GSE1: variants seen among roughly 807,000 people sequenced by gnomAD.
GSE1 encodes genetic suppressor element 1.
GSE1 carries 32 observed loss-of-function variants against 112.6 expected under a neutral mutation model. That is an observed-to-expected ratio of 0.28 (90% CI 0.21 to 0.38). GSE1 has a LOEUF of 0.38. Among genes scored for constraint, GSE1 ranks in the 10% least tolerant of loss-of-function variants. The pLI, the probability that GSE1 is intolerant of heterozygous loss-of-function variation, is 1.00. For synonymous variants in GSE1, 1,115 were observed against 735.6 expected (o/e 1.52, Z -8.35); for missense variants, 2,348 against 1,699.2 (o/e 1.38, Z -6.71).
chr16:85,512,835 A>G (rs370581796), intron 2 of GSE1, among the ~76,000 whole-genome samples: 10 of 152,192 alleles, frequency 6.6e-5, no homozygotes, highest in African/African-American at 2.2e-4. Context: ...GGGGACCCCA[A>G]TCTTGCCTGT....
At chr16:85,664,145 A>G (rs1039583128) in intron 11 of GSE1, among the ~76,000 whole-genome samples, 6 of 152,256 alleles carry the variant, frequency 3.9e-5, no homozygotes, top group African/African-American at 1.2e-4. Flanking sequence ...GCTCGAATCC[A>G]TATAGCAGAA....
At chr16:85,179,158 C>T (rs1023609772) in intron 1 of GSE1, among the ~76,000 whole-genome samples, 2 of 152,106 alleles carry the variant, frequency 1.3e-5, no homozygotes, top group African/African-American at 4.8e-5. Flanking sequence ...GAGTCAATCC[C>T]CGTCGCCTCC....
chr16:85,209,823 C>G (rs932168045), intron 1 of GSE1, among the ~76,000 whole-genome samples: 2 of 152,142 alleles, frequency 1.3e-5, no homozygotes, highest in African/African-American at 4.8e-5. Flanking sequence ...GTTAGGGGTC[C>G]CTACCCTAAT....
intron 1 of GSE1, chr16:85,185,140 T>C (rs1391960681): frequency 1.3e-5 from 2 of 152,266 alleles, no homozygotes; most frequent in Non-Finnish European, 1.5e-5. Flanking sequence ...CTGTTTCCAC[T>C]ATGATGCAGC....
rs1240576388 is a variant in GSE1 at position 85,656,467 on chromosome 16, GAGA to G, written c.1117_1119del (p.Lys373del). ...CGAACGCGAGAAGGAGCGCGAGCAA[GAGA>G]AGGAGCGTGAGCGTGAGAAGGAGCG... On this transcript the variant is annotated inframe_deletion, in exon 7 of 16. Coordinates refer to ENST00000253458, the MANE Select transcript of GSE1 (RefSeq NM_014615.5). The G allele has an allele frequency of 4.5e-6, 7 of 1,547,246 alleles. No homozygotes were observed. Among genetic ancestry groups the G allele is most frequent in the Middle Eastern group, 3.4e-4 (2 of 5,832 alleles).
intron 1 of GSE1, among the ~76,000 whole-genome samples, chr16:85,345,894 A>C (rs1280306660): frequency 6.6e-6 from 1 of 152,144 alleles, no homozygotes; most frequent in Non-Finnish European, 1.5e-5. Flanking sequence ...GTGGATGAAC[A>C]GTGGATATGT....
intron 2 of GSE1, among the ~76,000 whole-genome samples, chr16:85,474,363 G>A (rs566480544): frequency 8.5e-5 from 13 of 152,220 alleles, no homozygotes; most frequent in African/African-American, 1.4e-4. Context: ...ATCCTGCCAC[G>A]TTGGCAGCTG....
chr16:85,502,867 G>T (rs933595261), intron 2 of GSE1, among the ~76,000 whole-genome samples: 1 of 152,224 alleles, frequency 6.6e-6, no homozygotes, highest in Non-Finnish European at 1.5e-5. Flanking sequence ...GGAGCAAGCA[G>T]GGGGGTGAAA....
chr16:85,385,398 A>G (rs1345456523), intron 2 of GSE1, among the ~76,000 whole-genome samples: 2 of 152,284 alleles, frequency 1.3e-5, no homozygotes, highest in South Asian at 2.1e-4. Context: ...GTCACCATGC[A>G]GAGGGGGCCA....
chr16:85,653,769 G>A (rs2051650219), intron 3 of GSE1, among the ~76,000 whole-genome samples: 1 of 152,166 alleles, frequency 6.6e-6, no homozygotes, highest in South Asian at 2.1e-4. Context: ...CTTTGCCCCT[G>A]CCCTCCACGT....
chr16:85,627,171 G>T (rs1169065500), intron 1 of GSE1, among the ~76,000 whole-genome samples: 3 of 122,064 alleles, frequency 2.5e-5, no homozygotes, highest in Non-Finnish European at 3.3e-5. Flanking sequence ...CGGGGGGCGG[G>T]GGGTGGGGGC....
At chr16:85,623,415 A>G (rs2048864887) in intron 1 of GSE1, among the ~76,000 whole-genome samples, 1 of 152,048 alleles carries the variant, frequency 6.6e-6, no homozygotes, top group African/African-American at 2.4e-5. Flanking sequence ...TCTCCATGGT[A>G]CTGACAGGGA....
intron 1 of GSE1, among the ~76,000 whole-genome samples, chr16:85,206,222 T>G: frequency 6.7e-6 from 1 of 148,244 alleles, no homozygotes; most frequent in East Asian, 2.0e-4. Context: ...GGGCGCCGGG[T>G]GTGGTGGGAA....
At chr16:85,212,374 C>A (rs2075240895) in intron 1 of GSE1, among the ~76,000 whole-genome samples, 1 of 152,048 alleles carries the variant, frequency 6.6e-6, no homozygotes, top group Admixed American at 6.5e-5. Context: ...CCACTGCACT[C>A]CAACCTGGGT....
intron 1 of GSE1, among the ~76,000 whole-genome samples, chr16:85,191,296 A>G (rs1165889606): frequency 6.6e-6 from 1 of 152,198 alleles, no homozygotes; most frequent in African/African-American, 2.4e-5. Flanking sequence ...CAACAAATGT[A>G]TATATATAAA....
chr16:85,446,953 GC>G (rs2049532221), intron 2 of GSE1, among the ~76,000 whole-genome samples: 1 of 152,072 alleles, frequency 6.6e-6, no homozygotes, highest in Admixed American at 6.5e-5. Flanking sequence ...GCACCCCCAT[GC>G]CCTTCAGCTT....
At chr16:85,250,643 C>A (rs1006844406) in intron 1 of GSE1, among the ~76,000 whole-genome samples, 1 of 152,186 alleles carries the variant, frequency 6.6e-6, no homozygotes, top group Admixed American at 6.5e-5. Flanking sequence ...ATTTTAAGTG[C>A]AGTTTTTTTT....
chr16:85,657,472 G>A lies in GSE1; in HGVS notation c.1508G>A (p.Arg503Gln), dbSNP rs61743093. ...EEEKWLARQR[R>Q]LRQEKEDRQS... is the part of the protein sequence containing the mutation. Reference sequence around the variant, plus strand: ...GAGAAGTGGCTGGCGCGGCAGCGGCGGCTGCGGCAGGAGAAGGAGGACCGG... The same window carrying A: ...GAGAAGTGGCTGGCGCGGCAGCGGCAGCTGCGGCAGGAGAAGGAGGACCGG... The change falls in exon 8 of 16, where the codon CGG becomes CAG. Residue 503 changes from arginine to glutamine, a missense_variant. Coordinates refer to ENST00000253458, the MANE Select transcript of GSE1 (RefSeq NM_014615.5). 19 of 1,607,432 alleles carry A rather than the reference G, an allele frequency of 1.2e-5. No individual in the cohort carries two copies. The highest frequency in any genetic ancestry group is 2.2e-5 in the East Asian group (1 of 44,538).
chr16:85,178,217 G>A (rs1279292169), intron 1 of GSE1, among the ~76,000 whole-genome samples: 5 of 152,194 alleles, frequency 3.3e-5, no homozygotes, highest in African/African-American at 1.2e-4. Context: ...CCTGGAGGAG[G>A]TGACATCTAA....
Sources: gnomAD v4.1 joint callset for allele counts (sites outside exome capture counted in the v4.1 genomes callset) on GRCh38, gnomAD v4.1.1 for gene constraint, MANE v1.5 for transcripts, NCBI Gene and HGNC (gene_info 2026-07-23, HGNC 2026-07-21) for gene names.